CAMK2B: variants seen among roughly 807,000 people sequenced by gnomAD.
CAMK2B encodes calcium/calmodulin-dependent protein kinase type II subunit beta.
CAMK2B carries 27 observed loss-of-function variants against 93.7 expected under a neutral mutation model. That is an observed-to-expected ratio of 0.29 (90% CI 0.21 to 0.40). CAMK2B has a LOEUF of 0.40. CAMK2B is among the 10% of genes least tolerant of loss of function. CAMK2B has a pLI of 1.00. For missense variants in CAMK2B, 568 were observed against 895.8 expected (o/e 0.63, Z 4.67); for synonymous variants, 374 against 358.8 (o/e 1.04, Z -0.48).
chr7:44,236,143 A>G lies in CAMK2B; in HGVS notation c.1022-1467T>C, dbSNP rs952116380. ...CGCTGGGTGCTCCAGGTTGCCGTGG[A>G]GATCAGGAGGCTGCACCCCGCAGGG... is the stretch of plus-strand genomic sequence containing the variant. On this transcript the variant is annotated intron_variant, in intron 13 of 23. Coordinates refer to ENST00000395749, the MANE Select transcript of CAMK2B (RefSeq NM_001220.5). Among the ~76,000 whole-genome samples the G allele has an allele frequency of 5.9e-5, 9 of 151,932 alleles. No homozygotes were observed. In the South Asian group the frequency reaches 1.9e-3, roughly 31 times the overall value.
At chr7:44,252,349 C>A (rs905965682) in intron 5 of CAMK2B, among the ~76,000 whole-genome samples, 4 of 151,790 alleles carry the variant, frequency 2.6e-5, no homozygotes, top group Admixed American at 2.6e-4. Flanking sequence ...CACAAAGACT[C>A]CTAAACCACA....
At chr7:44,251,857 C>T (rs1480755505) in intron 5 of CAMK2B, among the ~76,000 whole-genome samples, 1 of 152,186 alleles carries the variant, frequency 6.6e-6, no homozygotes, top group Non-Finnish European at 1.5e-5. Context: ...ACCTGAACAG[C>T]CCGAGCATTT....
intron 1 of CAMK2B, chr7:44,325,134 G>A (rs1797184749): frequency 6.6e-6 from 1 of 151,362 alleles, no homozygotes; most frequent in Admixed American, 6.6e-5. Context: ...CAGCCGCGCT[G>A]GGCAGAGCTG....
At chr7:44,288,652 A>G (rs752798374) in intron 1 of CAMK2B, among the ~76,000 whole-genome samples, 1 of 151,734 alleles carries the variant, frequency 6.6e-6, no homozygotes, top group Non-Finnish European at 1.5e-5. Context: ...ACAAGAAAAT[A>G]CTCTTTGAGT....
chr7:44,267,463 G>C (rs1420222235), intron 2 of CAMK2B, among the ~76,000 whole-genome samples: 1 of 152,116 alleles, frequency 6.6e-6, no homozygotes, highest in South Asian at 2.1e-4. Context: ...GCTTGGAGAG[G>C]GAACTCATGA....
chr7:44,247,234 G>A (rs1293256737), intron 5 of CAMK2B, 42 bp from the exon 6 acceptor site: 2 of 1,556,320 alleles, frequency 1.3e-6, no homozygotes, highest in East Asian at 4.5e-5. Flanking sequence ...TGGCCCTGGG[G>A]AGCAGCAAGA....
At chr7:44,295,905 T>C (rs1431382099) in intron 1 of CAMK2B, among the ~76,000 whole-genome samples, 2 of 152,126 alleles carry the variant, frequency 1.3e-5, no homozygotes, top group Non-Finnish European at 2.9e-5. Context: ...CTTGTGAAGG[T>C]CACAGCACAG....
At chr7:44,239,502 C>G in intron 13 of CAMK2B, 87 bp downstream of exon 13, 3 of 1,301,114 alleles carry the variant, frequency 2.3e-6, no homozygotes, top group South Asian at 1.3e-5. Flanking sequence ...CTCTGGAGCC[C>G]GGCCAGCGGC....
chr7:44,274,682 A>T (rs1377728688), intron 2 of CAMK2B, among the ~76,000 whole-genome samples: 1 of 152,262 alleles, frequency 6.6e-6, no homozygotes, highest in Non-Finnish European at 1.5e-5. Flanking sequence ...TGTGCAAAGC[A>T]GGAGGCCTGC....
intron 6 of CAMK2B, among the ~76,000 whole-genome samples, chr7:44,243,850 A>G (rs1191735484): frequency 6.6e-6 from 1 of 152,000 alleles, no homozygotes; most frequent in Non-Finnish European, 1.5e-5. Flanking sequence ...TTGGACCAAA[A>G]CCTCAAGCTC....
chr7:44,229,676 G>A (rs1300052007), intron 17 of CAMK2B, 175 bp from the exon 18 acceptor site: 6 of 490,938 alleles, frequency 1.2e-5, no homozygotes, highest in East Asian at 6.9e-5. Flanking sequence ...TGTGGTGGCC[G>A]CAGCAGGTAT....
At chr7:44,319,227 G>A (rs1170358608) in intron 1 of CAMK2B, among the ~76,000 whole-genome samples, 1 of 152,090 alleles carries the variant, frequency 6.6e-6, no homozygotes, top group East Asian at 1.9e-4. Context: ...TCTCCAGAAA[G>A]GCCACATCTC....
Position 44,217,676 on chromosome 7 carries a change from A to ACAGT in CAMK2B, c.*1845_*1848dup, listed in dbSNP as rs1753197696. The stretch of plus-strand genomic sequence containing the variant: ...GTCCACTCTGAGTGTTCATCGGTGG[A>ACAGT]CAGTCCCCTTGGAGTTTAGGATCCT... On this transcript the variant is annotated 3_prime_UTR_variant, in exon 24 of 24. Transcript: ENST00000395749. The ACAGT allele has an allele frequency of 6.6e-6, 1 of 152,250 alleles. No individual in the cohort carries two copies. The highest frequency in any genetic ancestry group is 2.4e-5 in the African/African-American group (1 of 41,432). 9.4% of individuals were successfully genotyped at this position (152,250 alleles called of 1,614,324 possible).
intron 2 of CAMK2B, among the ~76,000 whole-genome samples, chr7:44,273,874 C>T (rs185516484): frequency 7.9e-5 from 12 of 152,242 alleles, no homozygotes; most frequent in Middle Eastern, 3.4e-3. Flanking sequence ...CAACCCAGCC[C>T]GAGGCCCAAG....
upstream of CAMK2B, chr7:44,325,678 G>GCCCGCCCCGCCCGCCGCC (rs1749368051): frequency 6.9e-6 from 1 of 144,460 alleles, no homozygotes; most frequent in Non-Finnish European, 1.5e-5. Context: ...CCGCCGCCGC[G>GCCCGCCCCGCCCGCCGCC]CCCGCCCCGC....
chr7:44,313,775 C>T (rs533501337), intron 1 of CAMK2B, among the ~76,000 whole-genome samples: 133 of 147,844 alleles, frequency 9.0e-4, no homozygotes, highest in Non-Finnish European at 1.2e-3. Context: ...GAACCTGGCC[C>T]TCCCCAGTGC....
At chr7:44,310,034 ACCAAGCCACGCGCGGAACCGCACGGTGG>A (rs1304890369) in intron 1 of CAMK2B, among the ~76,000 whole-genome samples, 1 of 152,238 alleles carries the variant, frequency 6.6e-6, no homozygotes, top group African/African-American at 2.4e-5. Context: ...CCCCAGGCTC[ACCAAGCCACGCGCGGAACCGCACGGTGG>A]CCGAGACCGG....
At position 44,239,581 on chromosome 7, in the gene CAMK2B, A is replaced by G. The variant is rs2096657446; in HGVS notation, c.1021+8T>C. On this transcript the variant is annotated splice_region_variant and intron_variant, in intron 13 of 23. Coordinates refer to ENST00000395749, the MANE Select transcript of CAMK2B (RefSeq NM_001220.5). ...GAGCGGGCGGGACGCTGGTCGAGAC[A>G]CATCTACCTTGTTCCACCAGCCCCA... is the stretch of plus-strand genomic sequence containing the variant. 1 of 1,547,900 alleles carries G rather than the reference A, an allele frequency of 6.5e-7. No homozygotes were observed. Among genetic ancestry groups the G allele is most frequent in the South Asian group, 1.2e-5 (1 of 84,004 alleles).
chr7:44,220,141 C>T lies in CAMK2B; in HGVS notation c.1922G>A (p.Arg641His). Reference protein sequence around the residue: ...RPRTSQSEETRVWHRRDGKWQ... With the variant: ...RPRTSQSEETHVWHRRDGKWQ... ...CTTGCCGTCGCGGCGGTGCCACACG[C>T]GGGTCTCCTCAGACTGGCTGGTGCG... The change falls in exon 23 of 24, where the codon CGC (arginine) becomes CAC (histidine). Residue 641 changes from arginine (R) to histidine (H), a missense_variant. By Grantham distance (29) the Arg-to-His change is conservative (BLOSUM62 0). Around this residue, in one of 4 missense-constraint regions of CAMK2B, gnomAD observed 116 missense variants for 188.0 expected, o/e 0.62. Transcript: ENST00000395749. 6.2e-7 allele frequency: 1 copy of T among 1,612,410 alleles called. No homozygotes were observed. Among genetic ancestry groups the T allele is most frequent in the Non-Finnish European group, 8.5e-7 (1 of 1,179,858 alleles).
Sources: allele counts gnomAD v4.1 joint callset (sites outside exome capture counted in the v4.1 genomes callset), GRCh38; gene constraint gnomAD v4.1.1; regional missense constraint gnomAD v4.1.1; transcripts MANE v1.5; gene names NCBI Gene and HGNC (gene_info 2026-07-23, HGNC 2026-07-21).